The following DMXL1 variants were observed in gnomAD, a reference collection of about 807,000 sequenced individuals.
The protein encoded by DMXL1 is dmX-like protein 1.
Under a neutral mutation model 319.2 loss-of-function variants are expected in DMXL1, and 99 were observed. The ratio of observed to expected loss-of-function variants is 0.31; its 90% CI spans 0.26 to 0.37. DMXL1 has a LOEUF of 0.37. Ranked by LOEUF, DMXL1 falls within the 10% of genes least tolerant of loss-of-function variation. The probability of loss-of-function intolerance (pLI) is 1.00; values close to 1 mark genes in which losing one functional copy is unlikely to be tolerated. For missense variants in DMXL1, 3,745 were observed against 3,595.6 expected (o/e 1.04, Z -1.06); for synonymous variants, 1,385 against 1,235.2 (o/e 1.12, Z -2.54).
At chr5:119,079,245 GACT>G (rs1751658264) in intron 1 of DMXL1, among the ~76,000 whole-genome samples, 3 of 152,058 alleles carry the variant, frequency 2.0e-5, no homozygotes, top group South Asian at 4.2e-4. Flanking sequence ...CCTCATTTTT[GACT>G]ACAAGCTGAA....
At chr5:119,144,687 A>G in intron 15 of DMXL1, 49 bp downstream of exon 15, 1 of 1,173,106 alleles carries the variant, frequency 8.5e-7, no homozygotes, top group Non-Finnish European at 1.2e-6. Context: ...ACAGTATGTT[A>G]GGCAGTTAAT....
chr5:119,101,360 A>G (rs1204594698), intron 2 of DMXL1, among the ~76,000 whole-genome samples: 1 of 151,862 alleles, frequency 6.6e-6, no homozygotes, highest in Non-Finnish European at 1.5e-5. Flanking sequence ...TTTGATTTCC[A>G]ATATTTTGAT....
At chr5:119,121,180 A>G (rs563241866) in intron 9 of DMXL1, 41 bp downstream of exon 9, 9 of 1,498,938 alleles carry the variant, frequency 6.0e-6, no homozygotes, top group Non-Finnish European at 8.1e-6. Flanking sequence ...GAAATTGAAT[A>G]GATTGATTTT....
At chr5:119,210,939 G>A (rs1305316770) in intron 34 of DMXL1, among the ~76,000 whole-genome samples, 3 of 147,414 alleles carry the variant, frequency 2.0e-5, no homozygotes, top group Non-Finnish European at 3.0e-5. Context: ...GTTTGAGGAC[G>A]TTTCTTTGCA....
chr5:119,151,250 A>G (rs1769727335), intron 18 of DMXL1, among the ~76,000 whole-genome samples: 1 of 152,168 alleles, frequency 6.6e-6, no homozygotes. Context: ...AATACTGCCA[A>G]GTTATGAACA....
chr5:119,244,599 C>T (rs771419305), intron 43 of DMXL1, 23 bp downstream of exon 43: 4 of 1,566,176 alleles, frequency 2.6e-6, no homozygotes, highest in East Asian at 4.5e-5. Flanking sequence ...GATGCCACAA[C>T]ATCTACAAAA....
chr5:119,072,515 T>C (rs879708695), intron 1 of DMXL1, among the ~76,000 whole-genome samples: 4 of 152,250 alleles, frequency 2.6e-5, no homozygotes, highest in Non-Finnish European at 5.9e-5. Flanking sequence ...CTGGGAATAC[T>C]AAGTGCTGTA....
intron 9 of DMXL1, chr5:119,127,109 T>TA (rs1763765879): frequency 1.2e-5 from 2 of 162,370 alleles, no homozygotes; most frequent in South Asian, 4.0e-4. Flanking sequence ...TCAACTCCAT[T>TA]GTAAGTCAGG....
intron 38 of DMXL1, among the ~76,000 whole-genome samples, chr5:119,229,318 G>A (rs779542132): frequency 8.5e-5 from 13 of 152,214 alleles, no homozygotes; most frequent in African/African-American, 2.9e-4. Context: ...CGATTTTGTG[G>A]TCAGATTGCT....
At chr5:119,159,721 C>G (rs77820322) in intron 19 of DMXL1, among the ~76,000 whole-genome samples, 1 of 152,108 alleles carries the variant, frequency 6.6e-6, no homozygotes, top group Non-Finnish European at 1.5e-5. Flanking sequence ...CCTCGTGGGT[C>G]CAAGCGATTC....
chr5:119,214,232 G>A (rs1783288842), intron 34 of DMXL1, among the ~76,000 whole-genome samples: 1 of 151,980 alleles, frequency 6.6e-6, no homozygotes, highest in East Asian at 1.9e-4. Flanking sequence ...CTGACACTAG[G>A]ATTCATCCTT....
intron 14 of DMXL1, 137 bp downstream of exon 14, chr5:119,144,067 T>C (rs1437814014): frequency 2.0e-5 from 11 of 557,720 alleles, no homozygotes; most frequent in Non-Finnish European, 3.2e-5. Flanking sequence ...CATCACATAA[T>C]AGATAACATA....
intron 29 of DMXL1, among the ~76,000 whole-genome samples, chr5:119,191,230 A>G (rs1207517388): frequency 1.3e-5 from 2 of 152,196 alleles, no homozygotes; most frequent in East Asian, 1.9e-4. Context: ...AGGACTGCCT[A>G]TATAAGTATC....
intron 28 of DMXL1, among the ~76,000 whole-genome samples, chr5:119,179,063 G>A (rs1021005165): frequency 1.3e-5 from 2 of 152,072 alleles, no homozygotes. Context: ...GGCCATTGGA[G>A]TTTTTGGATT....
intron 19 of DMXL1, among the ~76,000 whole-genome samples, chr5:119,153,903 A>G (rs146666600): frequency 7.2e-4 from 109 of 152,278 alleles, no homozygotes; most frequent in African/African-American, 2.5e-3. Context: ...CGTTTTTCCA[A>G]CAGCATGTGT....
intron 34 of DMXL1, among the ~76,000 whole-genome samples, chr5:119,210,460 T>C (rs1450434634): frequency 6.6e-6 from 1 of 152,206 alleles, no homozygotes; most frequent in East Asian, 1.9e-4. Context: ...TGGTGTGAAG[T>C]ATAGACCTCA....
intron 15 of DMXL1, 94 bp from the exon 16 acceptor site, chr5:119,146,743 C>T: frequency 7.8e-7 from 1 of 1,277,444 alleles, no homozygotes; most frequent in Non-Finnish European, 1.1e-6. Context: ...TTTTAATCTT[C>T]TTTTTTTAAA....
At chr5:119,158,995 AAG>A (rs770409439) in intron 19 of DMXL1, among the ~76,000 whole-genome samples, 1 of 152,160 alleles carries the variant, frequency 6.6e-6, no homozygotes, top group Non-Finnish European at 1.5e-5. Flanking sequence ...GTCTCATAAA[AAG>A]AGGAACTTTT....
intron 39 of DMXL1, chr5:119,236,534 A>G (rs1787791771): frequency 6.6e-6 from 1 of 152,028 alleles, no homozygotes; most frequent in Admixed American, 6.6e-5. Context: ...TACCTGGGAA[A>G]GATAGCTATA....
Sources: gnomAD v4.1 joint callset for allele counts (sites outside exome capture counted in the v4.1 genomes callset) on GRCh38, gnomAD v4.1.1 for gene constraint, MANE v1.5 for transcripts, NCBI Gene and HGNC (gene_info 2026-07-23, HGNC 2026-07-21) for gene names.